The following ADGRV1 variants were observed in gnomAD, a reference collection of about 807,000 sequenced individuals.
The protein encoded by ADGRV1 is G-protein coupled receptor 98.
ADGRV1 carries 359 observed loss-of-function variants against 596.2 expected under a neutral mutation model. That is an observed-to-expected ratio of 0.60 (90% CI 0.55 to 0.66). The LOEUF is 0.66. Ranked by LOEUF, ADGRV1 falls within the 30% of genes least tolerant of loss-of-function variation. ADGRV1 has a pLI of 0.00. For missense variants in ADGRV1, 7,274 were observed against 7,575.6 expected, an observed-to-expected ratio of 0.96 and a Z score of 1.48; for synonymous variants, 2,681 against 2,679.2, an observed-to-expected ratio of 1.00 and a Z score of -0.02.
chr5:90,796,556 A>G (rs1039217066), intron 70 of ADGRV1, among the ~76,000 whole-genome samples: 3 of 152,234 alleles, frequency 2.0e-5, no homozygotes, highest in South Asian at 2.1e-4. Flanking sequence ...TCTTCAGGAT[A>G]TTATCCAGGA....
At chr5:90,981,980 T>C (rs60325490) in intron 84 of ADGRV1, among the ~76,000 whole-genome samples, 76,000 of 151,856 alleles carry the variant, frequency 0.5, 20,621 homozygotes, top group African/African-American at 0.71. Flanking sequence ...ATTACTTACT[T>C]GAGAGGCTGA....
intron 86 of ADGRV1, among the ~76,000 whole-genome samples, chr5:91,073,792 G>T (rs1788600765): frequency 6.6e-6 from 1 of 152,176 alleles, no homozygotes; most frequent in Non-Finnish European, 1.5e-5. Flanking sequence ...CTGCCTATAA[G>T]ATTCAAGCAA....
Position 90,720,097 on chromosome 5 carries a change from A to G in ADGRV1, c.9497A>G (p.Tyr3166Cys), listed in dbSNP as rs1161773864. ...GACACGGAACCAGAAATGGATGAGT[A>G]TTTTGTTTGCACCTTGTTTAATCCA... is the stretch of plus-strand genomic sequence containing the variant. ...ILDTEPEMDE[Y>C]FVCTLFNPTG... The change falls in exon 44 of 90, where the codon TAT becomes TGT. Residue 3166 changes from tyrosine to cysteine, a missense_variant. Tyr to Cys is a radical substitution (Grantham distance 194). Around this residue, in one of 5 missense-constraint regions of ADGRV1, gnomAD observed 3,643 missense variants for 3,809.2 expected, o/e 0.96. Coordinates refer to ENST00000405460, the MANE Select transcript of ADGRV1 (RefSeq NM_032119.4). The G allele has an allele frequency of 6.2e-7, 1 of 1,613,736 alleles. No individual in the cohort carries two copies. The highest frequency in any genetic ancestry group is 2.2e-5 in the East Asian group (1 of 44,846).
At chr5:90,922,427 G>A (rs1773964664) in intron 83 of ADGRV1, among the ~76,000 whole-genome samples, 1 of 152,062 alleles carries the variant, frequency 6.6e-6, no homozygotes, top group Non-Finnish European at 1.5e-5. Flanking sequence ...TGTTTCTCTG[G>A]CTTTTCACTC....
chr5:90,628,454 G>T, intron 7 of ADGRV1, 108 bp from the exon 8 acceptor site: 1 of 876,392 alleles, frequency 1.1e-6, no homozygotes, highest in South Asian at 1.5e-5. Flanking sequence ...TTGTTGTATA[G>T]ATTCTGTTTT....
At chr5:90,757,427 T>C (rs1452706988) in intron 57 of ADGRV1, among the ~76,000 whole-genome samples, 9 of 152,206 alleles carry the variant, frequency 5.9e-5, no homozygotes, top group Admixed American at 5.2e-4. Flanking sequence ...AGGATAATAA[T>C]TGACTTAGAA....
chr5:90,710,132 T>C (rs1460951574), intron 39 of ADGRV1, among the ~76,000 whole-genome samples: 1 of 152,158 alleles, frequency 6.6e-6, no homozygotes, highest in Non-Finnish European at 1.5e-5. Context: ...TTCTTTTCAC[T>C]CTACAGAGAA....
chr5:90,927,399 T>C (rs1484549145), intron 83 of ADGRV1, among the ~76,000 whole-genome samples: 6 of 152,230 alleles, frequency 3.9e-5, no homozygotes, highest in African/African-American at 1.4e-4. Flanking sequence ...TGGCATTCTT[T>C]GTCTCTTTTG....
intron 4 of ADGRV1, among the ~76,000 whole-genome samples, chr5:90,621,973 C>T (rs555242669): frequency 6.6e-6 from 1 of 152,270 alleles, no homozygotes. Context: ...ATGTATGGGG[C>T]TACTGAGTTT....
At chr5:90,582,766 C>A (rs771230757) in intron 1 of ADGRV1, among the ~76,000 whole-genome samples, 3 of 152,136 alleles carry the variant, frequency 2.0e-5, no homozygotes, top group Non-Finnish European at 4.4e-5. Context: ...GATATGGGGT[C>A]TTTCTGTGTT....
chr5:90,720,817 C>A, intron 44 of ADGRV1, 118 bp from the exon 45 acceptor site: 1 of 735,878 alleles, frequency 1.4e-6, no homozygotes, highest in Non-Finnish European at 2.0e-6. Flanking sequence ...CTTATCATCT[C>A]ATCTTGGATT....
intron 81 of ADGRV1, among the ~76,000 whole-genome samples, chr5:90,855,350 A>T (rs142075165): frequency 6.6e-6 from 1 of 152,204 alleles, no homozygotes; most frequent in Non-Finnish European, 1.5e-5. Context: ...AAGAAAAAAA[A>T]CAAAGAAGAG....
chr5:90,727,651 G>A (rs1371135968), intron 48 of ADGRV1, among the ~76,000 whole-genome samples: 1 of 152,124 alleles, frequency 6.6e-6, no homozygotes, highest in East Asian at 1.9e-4. Context: ...ATTTGCCTTG[G>A]AAAGTACTGG....
At chr5:91,114,806 C>T (rs1792706456) in intron 87 of ADGRV1, among the ~76,000 whole-genome samples, 1 of 152,186 alleles carries the variant, frequency 6.6e-6, no homozygotes, top group Non-Finnish European at 1.5e-5. Context: ...TCCCCATAGC[C>T]TTTCCTCTCA....
intron 86 of ADGRV1, among the ~76,000 whole-genome samples, chr5:91,076,193 A>G (rs1429044973): frequency 6.6e-6 from 1 of 152,204 alleles, no homozygotes; most frequent in African/African-American, 2.4e-5. Context: ...ACTTCTTTAC[A>G]GAAATTCTAG....
chr5:90,872,094 G>A (rs564262022), intron 83 of ADGRV1, among the ~76,000 whole-genome samples: 1 of 152,232 alleles, frequency 6.6e-6, no homozygotes, highest in African/African-American at 2.4e-5. Flanking sequence ...CTGCTTTTCT[G>A]TGCTTCAGGC....
Position 90,778,817 on chromosome 5 carries a change from C to A in ADGRV1, c.12850-48C>A, listed in dbSNP as rs372143615. 50 of 1,458,334 alleles carry A rather than the reference C, an allele frequency of 3.4e-5. No individual in the cohort carries two copies. In the African/African-American group the frequency reaches 6.7e-4, roughly 20 times the overall value. The allele number at this position is 1,458,334 out of a possible 1,614,324, so 90.3% of individuals were successfully genotyped here. A position where few individuals can be genotyped will look rare whatever the true frequency, so the allele number is the denominator to read the frequency against. ...AACGTTTAGTTACAGACAGTATTGT[C>A]TGGTAGATTAAACATCCAAATCAAA... is the stretch of plus-strand genomic sequence containing the variant. On this transcript the variant is annotated intron_variant, in intron 63 of 89. Transcript: ENST00000405460.
At position 90,617,870 on chromosome 5, in the gene ADGRV1, A is replaced by G. The variant is rs1398091659; in HGVS notation, c.274A>G (p.Thr92Ala). Reference sequence around the variant, plus strand: ...TGCAGCTTTTATACCTGCCGGAGAAACAAACAGAACAGTGTACATAGCAGT... The same window carrying G: ...TGCAGCTTTTATACCTGCCGGAGAAGCAAACAGAACAGTGTACATAGCAGT... ...YAAAFIPAGE[T>A]NRTVYIAVCD... The change falls in exon 3 of 90, where the codon ACA becomes GCA. Residue 92 changes from threonine to alanine, a missense_variant. Transcript: ENST00000405460. The G allele has an allele frequency of 6.3e-7, 1 of 1,599,044 alleles. No individual in the cohort carries two copies. Among genetic ancestry groups the G allele is most frequent in the African/African-American group, 1.3e-5 (1 of 74,768 alleles).
intron 87 of ADGRV1, among the ~76,000 whole-genome samples, chr5:91,130,623 ACT>A (rs1367182711): frequency 1.3e-5 from 2 of 150,944 alleles, no homozygotes; most frequent in African/African-American, 4.9e-5. Context: ...TGAATGACAG[ACT>A]CTTTTCATTT....
Sources: allele counts gnomAD v4.1 joint callset (sites outside exome capture counted in the v4.1 genomes callset), GRCh38; gene constraint gnomAD v4.1.1; regional missense constraint gnomAD v4.1.1; transcripts MANE v1.5; gene names NCBI Gene and HGNC (gene_info 2026-07-23, HGNC 2026-07-21).